LUZP2: variants seen among roughly 807,000 people sequenced by gnomAD.
LUZP2 encodes leucine zipper protein 2.
Under a neutral mutation model 51.6 loss-of-function variants are expected in LUZP2, and 52 were observed. The ratio of observed to expected loss-of-function variants is 1.01; its 90% confidence interval spans 0.81 to 1.27. LUZP2 has a LOEUF of 1.27. Among genes scored for constraint, LUZP2 ranks in the 50% most tolerant of loss-of-function variants. The probability of loss-of-function intolerance (pLI) is 0.00; values close to 1 mark genes in which losing one functional copy is unlikely to be tolerated. For synonymous variants in LUZP2, 154 were observed against 137.3 expected, an observed-to-expected ratio of 1.12 and a Z score of -0.85; for missense variants, 436 against 395.4, an observed-to-expected ratio of 1.10 and a Z score of -0.87.
intron 5 of LUZP2, among the ~76,000 whole-genome samples, chr11:24,889,827 T>C (rs1382473439): frequency 6.6e-6 from 1 of 152,188 alleles, no homozygotes; most frequent in Non-Finnish European, 1.5e-5. Context: ...CAGAATAAAT[T>C]ATGGACATAC....
chr11:24,741,187 C>T (rs1324617102), intron 4 of LUZP2, among the ~76,000 whole-genome samples: 1 of 152,068 alleles, frequency 6.6e-6, no homozygotes, highest in East Asian at 1.9e-4. Flanking sequence ...TTTTCAATGG[C>T]TATTCTTAAA....
intron 9 of LUZP2, among the ~76,000 whole-genome samples, chr11:24,990,643 T>C (rs1473297729): frequency 2.0e-5 from 3 of 152,038 alleles, no homozygotes; most frequent in African/African-American, 7.2e-5. Flanking sequence ...GGTGAGAACA[T>C]AGAAGCTGAA....
At chr11:24,550,657 T>C (rs1851698575) in intron 1 of LUZP2, among the ~76,000 whole-genome samples, 1 of 152,130 alleles carries the variant, frequency 6.6e-6, no homozygotes, top group Non-Finnish European at 1.5e-5. Flanking sequence ...GGATCTATTT[T>C]TGTCTTTTGG....
intron 5 of LUZP2, chr11:24,890,842 T>C (rs138712527): frequency 2.2e-5 from 19 of 876,790 alleles, no homozygotes; most frequent in Middle Eastern, 1.2e-3. Flanking sequence ...TAAAATCACA[T>C]ATAGAAAAAA....
intron 9 of LUZP2, among the ~76,000 whole-genome samples, chr11:25,039,104 T>A (rs1857957151): frequency 6.6e-6 from 1 of 152,178 alleles, no homozygotes. Flanking sequence ...TTGAGAAAGA[T>A]ACCTCTGGTC....
intron 9 of LUZP2, among the ~76,000 whole-genome samples, chr11:25,047,098 G>A (rs1442789384): frequency 6.6e-6 from 1 of 152,080 alleles, no homozygotes; most frequent in African/African-American, 2.4e-5. Flanking sequence ...ATTGTCCCTT[G>A]CCTGTTAGTG....
intron 1 of LUZP2, among the ~76,000 whole-genome samples, chr11:24,555,220 G>A (rs1379064724): frequency 6.6e-6 from 1 of 152,140 alleles, no homozygotes; most frequent in Non-Finnish European, 1.5e-5. Context: ...AAAGCCATAA[G>A]TATTAGAAGA....
intron 1 of LUZP2, among the ~76,000 whole-genome samples, chr11:24,564,078 G>T (rs1852141840): frequency 6.6e-6 from 1 of 152,080 alleles, no homozygotes; most frequent in Non-Finnish European, 1.5e-5. Flanking sequence ...CCCATTACCT[G>T]CTTGACACTC....
intron 5 of LUZP2, among the ~76,000 whole-genome samples, chr11:24,890,558 G>C (rs1408545767): frequency 6.6e-6 from 1 of 152,084 alleles, no homozygotes; most frequent in African/African-American, 2.4e-5. Flanking sequence ...TTTTGCGGCT[G>C]TGAAAGCTGA....
chr11:24,954,231 T>C (rs1370342616), intron 7 of LUZP2, among the ~76,000 whole-genome samples: 2 of 152,056 alleles, frequency 1.3e-5, no homozygotes, highest in Admixed American at 6.6e-5. Context: ...GGAGGACAGG[T>C]ATTTTGTTAT....
chr11:24,833,919 T>C (rs1850781354), intron 5 of LUZP2, among the ~76,000 whole-genome samples: 1 of 152,196 alleles, frequency 6.6e-6, no homozygotes, highest in South Asian at 2.1e-4. Flanking sequence ...TTCCTTGTGG[T>C]GAGAAACATA....
chr11:24,527,462 A>G (rs992145630), intron 1 of LUZP2, among the ~76,000 whole-genome samples: 2 of 151,308 alleles, frequency 1.3e-5, no homozygotes, highest in Admixed American at 6.6e-5. Context: ...GTAGTTGTAC[A>G]TCTGGATATG....
intron 1 of LUZP2, among the ~76,000 whole-genome samples, chr11:24,527,867 C>T (rs1291880211): frequency 6.6e-6 from 1 of 151,264 alleles, no homozygotes; most frequent in Non-Finnish European, 1.5e-5. Flanking sequence ...AGACCCAAAG[C>T]TCAGGATACA....
intron 7 of LUZP2, among the ~76,000 whole-genome samples, chr11:24,948,820 CTATCATCTATCTATCTATCT>C (rs1302978303): frequency 3.8e-4 from 23 of 59,764 alleles, no homozygotes; most frequent in East Asian, 2.3e-3. Flanking sequence ...ATCTATCTAT[CTATCATCTATCTATCTATCT>C]ATCTATCTAT....
chr11:24,719,429 C>T (rs940636268), intron 1 of LUZP2, among the ~76,000 whole-genome samples: 8 of 152,112 alleles, frequency 5.3e-5, no homozygotes, highest in African/African-American at 1.2e-4. Context: ...TAGTGCTGAC[C>T]AATCTTCCTG....
intron 9 of LUZP2, among the ~76,000 whole-genome samples, chr11:25,022,586 AACAT>A (rs1300207930): frequency 6.6e-6 from 1 of 152,066 alleles, no homozygotes; most frequent in African/African-American, 2.4e-5. Context: ...AGTATCAGTA[AACAT>A]CAGTTTAAGA....
intron 1 of LUZP2, among the ~76,000 whole-genome samples, chr11:24,687,549 G>T (rs558035000): frequency 6.6e-6 from 1 of 152,322 alleles, no homozygotes; most frequent in East Asian, 1.9e-4. Flanking sequence ...CCGCTAAGAA[G>T]CGGAGACAGA....
intron 1 of LUZP2, among the ~76,000 whole-genome samples, chr11:24,583,644 A>G (rs943199240): frequency 6.6e-6 from 1 of 152,088 alleles, no homozygotes; most frequent in African/African-American, 2.4e-5. Flanking sequence ...CTTGTTTAGA[A>G]GAAAAATAAA....
intron 1 of LUZP2, among the ~76,000 whole-genome samples, chr11:24,600,786 T>A (rs1267027698): frequency 6.6e-6 from 1 of 151,660 alleles, no homozygotes; most frequent in African/African-American, 2.4e-5. Context: ...GCTCATGGTA[T>A]GCATTTGCAT....
Sources: gnomAD v4.1 joint callset for allele counts (sites outside exome capture counted in the v4.1 genomes callset) on GRCh38, gnomAD v4.1.1 for gene constraint, MANE v1.5 for transcripts, NCBI Gene and HGNC (gene_info 2026-07-23, HGNC 2026-07-21) for gene names.